HR: variants seen among roughly 807,000 people sequenced by gnomAD.
The protein encoded by HR is HR lysine demethylase and nuclear receptor corepressor, also known as lysine-specific demethylase hairless.
Under a neutral mutation model 128.6 loss-of-function variants are expected in HR, and 83 were observed. The observed-to-expected ratio is 0.65, with a 90% CI of 0.54 to 0.77. The LOEUF is 0.77. HR is among the 30% of genes least tolerant of loss of function. The pLI, the probability that HR is intolerant of heterozygous loss-of-function variation, is 0.00. For synonymous variants in HR, 681 were observed against 658.2 expected, an observed-to-expected ratio of 1.03 and a Z score of -0.53; for missense variants, 1,490 against 1,574.6, an observed-to-expected ratio of 0.95 and a Z score of 0.91.
intron 3 of HR, among the ~76,000 whole-genome samples, chr8:22,126,310 T>G (rs147840819): frequency 4.6e-5 from 7 of 152,218 alleles, no homozygotes; most frequent in African/African-American, 1.7e-4. Flanking sequence ...CACCCAGCCG[T>G]CCAGGAAGCT....
Position 22,129,032 on chromosome 8 carries a change from C to T in HR, c.139G>A (p.Ala47Thr). 1 of 1,605,086 alleles carries T rather than the reference C, an allele frequency of 6.2e-7. No homozygotes were observed. Among genetic ancestry groups the T allele is most frequent in the Non-Finnish European group, 8.5e-7 (1 of 1,175,298 alleles). Residue 47 changes from alanine to threonine, a missense_variant, in exon 2 of 19, where the codon GCT (alanine) becomes ACT (threonine). Physicochemically the swap from Ala to Thr is moderately conservative, Grantham distance 58. Around this residue, in one of 3 missense-constraint regions of HR, gnomAD observed 1,060 missense variants for 1,060.9 expected, o/e 1.00. Transcript: ENST00000381418. ...HHGPLCLGEP[A>T]PFWRGVLSTP... ...CTCAGGACGCCCCTCCAAAAGGGAG[C>T]AGGCTCTCCCAGGCACAGCGGCCCA...
chr8:22,129,289 G>T (rs140004321), intron 1 of HR, 79 bp from the exon 2 acceptor site: 6 of 1,292,028 alleles, frequency 4.6e-6, no homozygotes, highest in Admixed American at 5.0e-5. Flanking sequence ...AGTGGGCACC[G>T]CCCTGGCAAC....
chr8:22,125,308 C>T lies in HR; in HGVS notation c.1750+3G>A. ...CCACGCAGACCCAGGAGGTCCTGTT[C>T]ACCTTCCCGCTGGGCCCAAGCCAGG... On this transcript the variant is annotated splice_donor_region_variant and intron_variant, in intron 5 of 18. Coordinates refer to ENST00000381418, the MANE Select transcript of HR (RefSeq NM_005144.5). 6.4e-7 allele frequency: 1 copy of T among 1,566,544 alleles called. No homozygotes were observed. Among genetic ancestry groups the T allele is most frequent in the South Asian group, 1.2e-5 (1 of 85,184 alleles).
intron 14 of HR, 148 bp from the exon 15 acceptor site, chr8:22,119,431 C>T (rs1284570237): frequency 2.5e-6 from 3 of 1,193,872 alleles, no homozygotes; most frequent in East Asian, 2.6e-5. Flanking sequence ...CATGGAGAAA[C>T]CCCCTCTCTA....
rs781283472 is a variant in HR, at chr8:22,119,877, C to G, written c.2860G>C (p.Ala954Pro). Residue 954 changes from alanine (A) to proline (P), a missense_variant, in exon 14 of 19, where the codon GCT (alanine) becomes CCT (proline). This residue lies in a region of HR where 423 missense variants were observed against 495.9 expected (regional missense o/e 0.85). Transcript: ENST00000381418. ...DEDTSRVENLAASLPLPEYCA... is the reference protein window; with the variant it reads ...DEDTSRVENLPASLPLPEYCA... The stretch of plus-strand genomic sequence containing the variant: ...TACTCCGGAAGTGGCAGACTGGCAG[C>G]TAGGTTCTCCACCCTGTCAGGGTAG... 1 of 1,613,596 alleles carries G rather than the reference C, an allele frequency of 6.2e-7. No individual in the cohort carries two copies. The highest frequency in any genetic ancestry group is 1.1e-5 in the South Asian group (1 of 91,084).
chr8:22,125,830 G>C, intron 3 of HR, 98 bp from the exon 4 acceptor site: 1 of 1,387,054 alleles, frequency 7.2e-7, no homozygotes. Flanking sequence ...CTCAGAGCCA[G>C]CCCAGTTCCT....
At position 22,115,451 on chromosome 8, in the gene HR, T is replaced by A. The variant is rs2131747652; in HGVS notation, c.*249A>T. ...AAGTCAATTGCCCCCAGTGCGGGCCTGGTACCATGAAAAGGGGCACAGGGT... is the reference window on the plus strand; with the variant it reads ...AAGTCAATTGCCCCCAGTGCGGGCCAGGTACCATGAAAAGGGGCACAGGGT... On this transcript the variant is annotated 3_prime_UTR_variant, in exon 19 of 19. Coordinates refer to ENST00000381418, the MANE Select transcript of HR (RefSeq NM_005144.5). 1.7e-6 allele frequency: 1 copy of A among 597,280 alleles called. No individual in the cohort carries two copies. The highest frequency in any genetic ancestry group is 2.7e-5 in the Admixed American group (1 of 36,682). 37.0% of individuals were successfully genotyped at this position (597,280 alleles called of 1,614,324 possible). A position where few individuals can be genotyped will look rare whatever the true frequency, so the allele number is the denominator to read the frequency against.
At chr8:22,130,379 G>C (rs943406438) in intron 1 of HR, 49 bp downstream of exon 1, 2 of 152,274 alleles carry the variant, frequency 1.3e-5, no homozygotes, top group African/African-American at 4.8e-5. Flanking sequence ...GCTCGGCTCA[G>C]AAATCCCCCG....
Position 22,120,844 on chromosome 8 carries a change from G to A in HR, c.2482C>T (p.Leu828=). 6.4e-7 allele frequency: 1 copy of A among 1,551,902 alleles called. No homozygotes were observed. Among genetic ancestry groups the A allele is most frequent in the Non-Finnish European group, 8.7e-7 (1 of 1,147,782 alleles). ...LRAGPGLRKG[L]GLPLSPVRPR... Reference sequence around the variant, plus strand: ...CGCACTGGAGAGAGGGGCAGGCCCAGGCCCTTGCGCAGACCCGGGCCAGCT... The same window carrying A: ...CGCACTGGAGAGAGGGGCAGGCCCAAGCCCTTGCGCAGACCCGGGCCAGCT... Residue 828 remains leucine (L), a synonymous_variant, in exon 11 of 19, where the codon CTG becomes TTG. Coordinates refer to ENST00000381418, the MANE Select transcript of HR (RefSeq NM_005144.5).
intron 16 of HR, 53 bp downstream of exon 16, chr8:22,118,897 G>T: frequency 6.7e-7 from 1 of 1,499,948 alleles, no homozygotes; most frequent in South Asian, 1.1e-5. Flanking sequence ...GGGACTGGAC[G>T]AGCTTCTAGG....
At position 22,120,800 on chromosome 8, in the gene HR, T is replaced by TG; in HGVS notation, c.2525dup (p.Gly843ArgfsTer83). On this transcript the variant is annotated frameshift_variant, in exon 11 of 19. Coordinates refer to ENST00000381418, the MANE Select transcript of HR (RefSeq NM_005144.5). LOFTEE classifies it high-confidence loss of function. Reference sequence around the variant, plus strand: ...GCTCCTGCAGCCACAGCAAAGCCCCTGGGGGAGGCAGCCGGGGCCGCACTG... The same window carrying TG: ...GCTCCTGCAGCCACAGCAAAGCCCCTGGGGGGAGGCAGCCGGGGCCGCACTG... 2 of 1,544,552 alleles carry TG rather than the reference T, an allele frequency of 1.3e-6. No individual in the cohort carries two copies. The highest frequency in any genetic ancestry group is 1.8e-6 in the Non-Finnish European group (2 of 1,142,806).
chr8:22,129,027 G>A lies in HR; in HGVS notation c.144C>T (p.Pro48=). 6.2e-7 allele frequency: 1 copy of A among 1,608,994 alleles called. No individual in the cohort carries two copies. Among genetic ancestry groups the A allele is most frequent in the Non-Finnish European group, 8.5e-7 (1 of 1,177,402 alleles). Residue 48 remains proline (P), a synonymous_variant, in exon 2 of 19, where the codon CCC becomes CCT. Transcript: ENST00000381418. ...HGPLCLGEPA[P]FWRGVLSTPD... ...GGGTGCTCAGGACGCCCCTCCAAAAGGGAGCAGGCTCTCCCAGGCACAGCG... is the reference window on the plus strand; with the variant it reads ...GGGTGCTCAGGACGCCCCTCCAAAAAGGAGCAGGCTCTCCCAGGCACAGCG...
At chr8:22,119,722 TG>T in intron 14 of HR, 37 bp downstream of exon 14, 1 of 1,577,876 alleles carries the variant, frequency 6.3e-7, no homozygotes. Flanking sequence ...CAGACAGGCA[TG>T]GGAGTAGAGA....
At position 22,116,261 on chromosome 8, in the gene HR, G is replaced by A. The variant is rs909328967; in HGVS notation, c.3507+39C>T. On this transcript the variant is annotated intron_variant, in intron 18 of 18. Coordinates refer to ENST00000381418, the MANE Select transcript of HR (RefSeq NM_005144.5). The surrounding 1 kb of genome is among the most constrained non-coding windows in gnomAD (Gnocchi z 4.2). ...TGTGGCACAGGGAGGTGGGAGGCTTGGGTAGCACACCCAGCCTGCTGGCCC... is the reference window on the plus strand; with the variant it reads ...TGTGGCACAGGGAGGTGGGAGGCTTAGGTAGCACACCCAGCCTGCTGGCCC... 6.2e-7 allele frequency: 1 copy of A among 1,611,014 alleles called. No homozygotes were observed. The highest frequency in any genetic ancestry group is 1.3e-5 in the African/African-American group (1 of 74,848).
Position 22,122,637 on chromosome 8 carries a change from G to C in HR, c.2006-29C>G. 1.9e-6 allele frequency: 3 copies of C among 1,569,760 alleles called. No individual in the cohort carries two copies. The South Asian group carries it at 3.4e-5, about 18-fold the overall frequency. ...GGGGTGGGGGTGGGCAGGAGAGGGA[G>C]GTTGGTGGTGAGTGTAGACCAACAG... On this transcript the variant is annotated intron_variant, in intron 7 of 18. Transcript: ENST00000381418.
At position 22,114,879 on chromosome 8, in the gene HR, C is replaced by G. The variant is rs1325029422; in HGVS notation, c.*821G>C. 2.0e-5 allele frequency: 3 copies of G among 152,506 alleles called. No homozygotes were observed. Among genetic ancestry groups the G allele is most frequent in the Admixed American group, 6.5e-5 (1 of 15,282 alleles). The allele number at this position is 152,506 out of a possible 1,614,324, so 9.4% of individuals were successfully genotyped here. A position where few individuals can be genotyped will look rare whatever the true frequency, so the allele number is the denominator to read the frequency against. On this transcript the variant is annotated 3_prime_UTR_variant, in exon 19 of 19. Transcript: ENST00000381418. Reference sequence around the variant, plus strand: ...CATCTTTGGGGGACAGCCCCCCACCCCACCCAAAGTCTCCTCAGTGGGAGG... The same window carrying G: ...CATCTTTGGGGGACAGCCCCCCACCGCACCCAAAGTCTCCTCAGTGGGAGG...
Position 22,116,754 on chromosome 8 carries a change from G to A in HR, c.3378+121C>T, listed in dbSNP as rs955206610. Reference sequence around the variant, plus strand: ...CCCGTTATCTCTTCCCCACAGCAGCGTGCGGCTCCCTGCCCTGCCCGGCTC... The same window carrying A: ...CCCGTTATCTCTTCCCCACAGCAGCATGCGGCTCCCTGCCCTGCCCGGCTC... On this transcript the variant is annotated intron_variant, in intron 17 of 18. Coordinates refer to ENST00000381418, the MANE Select transcript of HR (RefSeq NM_005144.5). The surrounding 1 kb of genome is among the most constrained non-coding windows in gnomAD (Gnocchi z 4.2). 108 of 1,344,968 alleles carry A rather than the reference G, an allele frequency of 8.0e-5. 1 individual carries two copies. Among genetic ancestry groups the A allele is most frequent in the South Asian group, 6.8e-4 (54 of 79,776 alleles). 83.3% of individuals were successfully genotyped at this position (1,344,968 alleles called of 1,614,324 possible).
In HR at chr8:22,118,990, C is replaced by T. The variant is rs781289056; in HGVS notation, c.3173G>A (p.Arg1058Gln). ...SQVSTVWHVFRAQDAQRIRRF... is the reference protein window; with the variant it reads ...SQVSTVWHVFQAQDAQRIRRF... ...GCGGATGCGCTGGGCGTCCTGTGCCCGGAACACGTGCCACACAGTGCTGAC... is the reference window on the plus strand; with the variant it reads ...GCGGATGCGCTGGGCGTCCTGTGCCTGGAACACGTGCCACACAGTGCTGAC... The change falls in exon 16 of 19, where the codon CGG (arginine) becomes CAG (glutamine). Residue 1058 changes from arginine (R) to glutamine (Q), a missense_variant. By Grantham distance (43) the Arg-to-Gln change is conservative (BLOSUM62 1). Around this residue, in one of 3 missense-constraint regions of HR, gnomAD observed 423 missense variants for 495.9 expected, o/e 0.85. Transcript: ENST00000381418. 2.3e-5 allele frequency: 37 copies of T among 1,612,720 alleles called. No individual in the cohort carries two copies. The Admixed American group carries it at 2.8e-4, about 12-fold the overall frequency.
intron 5 of HR, among the ~76,000 whole-genome samples, chr8:22,124,145 C>T (rs1460893018): frequency 6.6e-6 from 1 of 152,250 alleles, no homozygotes; most frequent in Non-Finnish European, 1.5e-5. Flanking sequence ...ACTTCTAGCA[C>T]ATTCTTTCCT....
Sources: gnomAD v4.1 joint callset for allele counts (sites outside exome capture counted in the v4.1 genomes callset) on GRCh38, gnomAD v4.1.1 for gene constraint, gnomAD v4.1.1 regional missense constraint, Gnocchi (gnomAD v3.1) non-coding constraint, MANE v1.5 for transcripts, NCBI Gene and HGNC (gene_info 2026-07-23, HGNC 2026-07-21) for gene names.